CHAF1A: variants seen among roughly 807,000 people sequenced by gnomAD.
CHAF1A encodes CAF-1 subunit A.
In CHAF1A, 5 loss-of-function variants were observed where a neutral mutation model predicts 93.2. The ratio of observed to expected loss-of-function variants is 0.05; its 90% CI spans 0.03 to 0.11. The LOEUF is 0.11. Ranked by LOEUF, CHAF1A falls within the 10% of genes least tolerant of loss-of-function variation. The pLI is 1.00. For missense variants in CHAF1A, 1,102 were observed against 1,259.9 expected (o/e 0.87, Z 1.90); for synonymous variants, 504 against 510.3 (o/e 0.99, Z 0.17).
At chr19:4,408,134 A>T (rs1973715066) in intron 2 of CHAF1A, among the ~76,000 whole-genome samples, 1 of 150,272 alleles carries the variant, frequency 6.7e-6, no homozygotes, top group Non-Finnish European at 1.5e-5. Flanking sequence ...AGCCTCCCGA[A>T]GTGCTGGGAT....
At chr19:4,424,575 C>T (rs1300339477) in intron 7 of CHAF1A, among the ~76,000 whole-genome samples, 2 of 152,106 alleles carry the variant, frequency 1.3e-5, no homozygotes, top group South Asian at 2.1e-4. Flanking sequence ...GTGATCCTGT[C>T]ACCTCAGCCT....
intron 3 of CHAF1A, among the ~76,000 whole-genome samples, chr19:4,413,217 A>G (rs1051830225): frequency 6.6e-6 from 1 of 152,100 alleles, no homozygotes; most frequent in Non-Finnish European, 1.5e-5. Context: ...GATTACAGGC[A>G]CGCGCCACCA....
At chr19:4,412,177 G>A (rs1327494945) in intron 3 of CHAF1A, among the ~76,000 whole-genome samples, 1 of 152,136 alleles carries the variant, frequency 6.6e-6, no homozygotes, top group Non-Finnish European at 1.5e-5. Flanking sequence ...GTGTACATTC[G>A]ATCACTTGAA....
chr19:4,448,869 C>T (rs140113334), downstream of CHAF1A: 12 of 172,986 alleles, frequency 6.9e-5, no homozygotes, highest in Non-Finnish European at 1.3e-4. Context: ...ACAAAGAGAC[C>T]GAGAGGCCCA....
chr19:4,445,672 C>A (rs369581272), downstream of CHAF1A: 1 of 1,587,492 alleles, frequency 6.3e-7, no homozygotes, highest in South Asian at 1.1e-5. Context: ...CGGCCCTTGC[C>A]GCGGCAGGGA....
rs753997294 is a variant in CHAF1A at position 4,433,110 on chromosome 19, C to T, written c.2244C>T (p.Asn748=). ...QLLPLLHGNV[N]GSKVIIREFQ... ...TGCCGCTCCTGCACGGCAATGTGAACGGGAGCAAGGTCATCATCCGGGAGT... is the reference window on the plus strand; with the variant it reads ...TGCCGCTCCTGCACGGCAATGTGAATGGGAGCAAGGTCATCATCCGGGAGT... Residue 748 remains asparagine, a synonymous_variant, in exon 13 of 15, where the codon AAC becomes AAT. Coordinates refer to ENST00000301280, the MANE Select transcript of CHAF1A (RefSeq NM_005483.3). This position sits in a 1 kb window ranked among gnomAD's most constrained non-coding sequence, Gnocchi z 5.6. 26 of 1,604,856 alleles carry T rather than the reference C, an allele frequency of 1.6e-5. No individual in the cohort carries two copies. The highest frequency in any genetic ancestry group is 1.6e-4 in the East Asian group (7 of 44,594).
At chr19:4,424,012 C>T in intron 7 of CHAF1A, 138 bp downstream of exon 7, 5 of 718,598 alleles carry the variant, frequency 7.0e-6, no homozygotes, top group Non-Finnish European at 1.2e-5. Context: ...ACTTCCATTT[C>T]TGGTTAAGTC....
chr19:4,446,712 G>C (rs761580414), downstream of CHAF1A: 12 of 1,608,886 alleles, frequency 7.5e-6, no homozygotes, highest in Non-Finnish European at 1.0e-5. Context: ...AGAACTCCTC[G>C]GGGTCCTCTA....
downstream of CHAF1A, chr19:4,445,456 A>C (rs747474407): frequency 3.7e-6 from 6 of 1,612,402 alleles, no homozygotes; most frequent in Non-Finnish European, 5.1e-6. Flanking sequence ...CAGGGAGAGC[A>C]TGAGACAGAC....
At chr19:4,443,669 C>T (rs1974441164), downstream of CHAF1A, among the ~76,000 whole-genome samples, 1 of 152,198 alleles carries the variant, frequency 6.6e-6, no homozygotes, top group Admixed American at 6.5e-5. Flanking sequence ...GGTCACCTCC[C>T]TGAACCCGGA....
intron 1 of CHAF1A, among the ~76,000 whole-genome samples, chr19:4,405,324 C>T (rs1274976931): frequency 6.6e-6 from 1 of 152,148 alleles, no homozygotes; most frequent in African/African-American, 2.4e-5. Flanking sequence ...TAGGATTTCT[C>T]AACCTATTAA....
chr19:4,447,222 G>T (rs139712027), downstream of CHAF1A: 180 of 575,188 alleles, frequency 3.1e-4, no homozygotes, highest in East Asian at 4.5e-3. Context: ...CCCAGTCCCT[G>T]CCCTTTCCCC....
At chr19:4,446,666 T>G (rs146789207), downstream of CHAF1A, 19 of 1,612,024 alleles carry the variant, frequency 1.2e-5, no homozygotes. Context: ...CTCTCCAGGC[T>G]CTGGGGCTGG....
intron 4 of CHAF1A, among the ~76,000 whole-genome samples, chr19:4,419,029 A>ATTTTTTTTTTT (rs11406470): frequency 2.1e-3 from 201 of 96,456 alleles, no homozygotes; most frequent in Non-Finnish European, 2.4e-3. Flanking sequence ...TAGCCAGCTA[A>ATTTTTTTTTTT]TTTTTTTTTT....
intron 11 of CHAF1A, 126 bp downstream of exon 11, chr19:4,430,767 A>C (rs1176757701): frequency 1.1e-6 from 1 of 929,214 alleles, no homozygotes; most frequent in Non-Finnish European, 1.7e-6. Context: ...ACTGCATTCC[A>C]AGCACGCAAG....
intron 3 of CHAF1A, among the ~76,000 whole-genome samples, chr19:4,413,046 G>T (rs1389908804): frequency 1.3e-5 from 2 of 152,084 alleles, no homozygotes; most frequent in African/African-American, 2.4e-5. Flanking sequence ...TGGTTTGCTT[G>T]CTTCATAGTT....
intron 3 of CHAF1A, among the ~76,000 whole-genome samples, chr19:4,412,367 A>G (rs1973821013): frequency 6.6e-6 from 1 of 152,012 alleles, no homozygotes; most frequent in African/African-American, 2.4e-5. Flanking sequence ...TTATGGAGAA[A>G]CCCCGTCTCT....
rs1877097641 is a variant in CHAF1A, at chr19:4,443,346, G to A, written c.*321G>A. ...CAGGACCACCCGCCTGGCCACGTGC[G>A]CGGGCCCCTGGACCTAACGAGGCAG... On this transcript the variant is annotated 3_prime_UTR_variant, in exon 15 of 15. Transcript: ENST00000301280. 2 of 351,774 alleles carry A rather than the reference G, an allele frequency of 5.7e-6. No individual in the cohort carries two copies. The highest frequency in any genetic ancestry group is 2.1e-5 in the African/African-American group (1 of 47,046). 21.8% of individuals were successfully genotyped at this position (351,774 alleles called of 1,614,324 possible).
chr19:4,402,852 G>GGCGCGC (rs527630205), intron 1 of CHAF1A, 38 bp downstream of exon 1: 4 of 1,172,340 alleles, frequency 3.4e-6, no homozygotes, highest in Non-Finnish European at 2.1e-6. Context: ...GGGGGGGCGC[G>GGCGCGC]GCGCGCGGCC....
Sources: gnomAD v4.1 joint callset for allele counts (sites outside exome capture counted in the v4.1 genomes callset) on GRCh38, gnomAD v4.1.1 for gene constraint, Gnocchi (gnomAD v3.1) non-coding constraint, MANE v1.5 for transcripts, NCBI Gene and HGNC (gene_info 2026-07-23, HGNC 2026-07-21) for gene names.